RPS6KA2: variants seen among roughly 807,000 people sequenced by gnomAD.
The protein encoded by RPS6KA2 is ribosomal protein S6 kinase alpha-2.
A neutral mutation model predicts 91.8 loss-of-function variants in RPS6KA2; 42 were observed. The ratio of observed to expected loss-of-function variants is 0.46; its 90% CI spans 0.36 to 0.59. The LOEUF is 0.59. Ranked by LOEUF, RPS6KA2 falls within the 20% of genes least tolerant of loss-of-function variation. The pLI is 0.00. For synonymous variants in RPS6KA2, 414 were observed against 393.6 expected, an observed-to-expected ratio of 1.05 and a Z score of -0.61; for missense variants, 798 against 978.5, an observed-to-expected ratio of 0.82 and a Z score of 2.46.
chr6:166,842,629 C>T (rs921592120), intron 2 of RPS6KA2, among the ~76,000 whole-genome samples: 2 of 152,216 alleles, frequency 1.3e-5, no homozygotes, highest in African/African-American at 4.8e-5. Flanking sequence ...GTATCCATAA[C>T]GGACCCGAAG....
chr6:166,422,737 A>G (rs73269236), intron 17 of RPS6KA2, among the ~76,000 whole-genome samples: 17,559 of 152,170 alleles, frequency 0.12, 3,197 homozygotes, highest in African/African-American at 0.39. Flanking sequence ...TGAACAACGT[A>G]AGCTTTCAGT....
intron 2 of RPS6KA2, among the ~76,000 whole-genome samples, chr6:166,637,200 C>G (rs1787273490): frequency 6.6e-6 from 1 of 152,170 alleles, no homozygotes; most frequent in South Asian, 2.1e-4. Flanking sequence ...GCGAGGAGGA[C>G]AGAGAGGCTG....
rs181215348 is a variant in RPS6KA2 at position 166,758,301 on chromosome 6, C to T, written c.123+99899G>A. Among the ~76,000 whole-genome samples, 14 of 152,368 alleles carry T rather than the reference C, an allele frequency of 9.2e-5. No individual in the cohort carries two copies. In the East Asian group the frequency reaches 2.5e-3, roughly 27 times the overall value. ...TGCCTCCGCCCCAGAGACACAGGCA[C>T]GTGCACATGCATGCACGTTCTCTCT... On this transcript the variant is annotated intron_variant, in intron 2 of 21. Coordinates refer to the RPS6KA2 transcript ENST00000503859.
chr6:166,765,170 G>A (rs1273866870), intron 2 of RPS6KA2, among the ~76,000 whole-genome samples: 5 of 133,182 alleles, frequency 3.8e-5, no homozygotes, highest in Admixed American at 7.8e-5. Flanking sequence ...GAGCCTCCAC[G>A]TGGCCAGCCA....
intron 2 of RPS6KA2, among the ~76,000 whole-genome samples, chr6:166,537,412 G>A (rs530791969): frequency 1.2e-4 from 18 of 152,302 alleles, no homozygotes; most frequent in Middle Eastern, 3.4e-3. Context: ...TATTAACATC[G>A]TGAGAAACTG....
chr6:166,817,422 CT>C (rs1779796614), intron 2 of RPS6KA2, among the ~76,000 whole-genome samples: 1 of 150,954 alleles, frequency 6.6e-6, no homozygotes, highest in Non-Finnish European at 1.5e-5. Flanking sequence ...CACACACACC[CT>C]AAACCATAAA....
At chr6:166,429,095 A>T (rs1270271799) in intron 16 of RPS6KA2, among the ~76,000 whole-genome samples, 10 of 152,270 alleles carry the variant, frequency 6.6e-5, no homozygotes, top group Non-Finnish European at 7.4e-5. Context: ...ACCATGGAAT[A>T]CTATGCAGCC....
intron 19 of RPS6KA2, among the ~76,000 whole-genome samples, chr6:166,416,840 G>A (rs1232609006): frequency 6.6e-6 from 1 of 150,946 alleles, no homozygotes. Flanking sequence ...CGCCACCTCT[G>A]CCACCACTTC....
rs895822971 is a variant in RPS6KA2, at chr6:166,733,091, C to G, written c.123+125109G>C. Reference sequence around the variant, plus strand: ...AGCCTAAGGGTGAGATGCTCTGCCCCCTGTGGATCGAGCCTACCCTGTACT... The same window carrying G: ...AGCCTAAGGGTGAGATGCTCTGCCCGCTGTGGATCGAGCCTACCCTGTACT... On this transcript the variant is annotated intron_variant, in intron 2 of 21. Coordinates refer to the RPS6KA2 transcript ENST00000503859. The surrounding 1 kb of genome is among the most constrained non-coding windows in gnomAD (Gnocchi z 4.1). Among the ~76,000 whole-genome samples the G allele has an allele frequency of 2.6e-5, 4 of 152,246 alleles. No individual in the cohort carries two copies. The highest frequency in any genetic ancestry group is 9.6e-5 in the African/African-American group (4 of 41,530).
chr6:166,502,563 C>T (rs986378212), intron 6 of RPS6KA2, among the ~76,000 whole-genome samples: 9 of 152,324 alleles, frequency 5.9e-5, no homozygotes, highest in African/African-American at 1.2e-4. Flanking sequence ...AACACACAGG[C>T]GTCAACAGCC....
In RPS6KA2 at chr6:166,419,634, G is replaced by C. The variant is rs1053658049; in HGVS notation, c.1820+248C>G. 1.3e-5 allele frequency among the ~76,000 whole-genome samples: 2 copies of C among 152,234 alleles called. No individual in the cohort carries two copies. The highest frequency in any genetic ancestry group is 3.2e-3 in the Middle Eastern group (1 of 316). On this transcript the variant is annotated intron_variant, in intron 18 of 20. Transcript: ENST00000265678. This position sits in a 1 kb window ranked among gnomAD's most constrained non-coding sequence, Gnocchi z 5.6. ...TGGGGACTATGCTGGCAAAAGACTT[G>C]ATGTTTTGTTCATGAGCTGAGTTTA...
intron 10 of RPS6KA2, among the ~76,000 whole-genome samples, chr6:166,481,441 A>C (rs1036494964): frequency 2.6e-5 from 4 of 152,274 alleles, no homozygotes; most frequent in Non-Finnish European, 5.9e-5. Flanking sequence ...TAGATCTTAA[A>C]GTATTTGCTG....
chr6:166,756,518 A>G (rs781475997), intron 2 of RPS6KA2, among the ~76,000 whole-genome samples: 1 of 152,220 alleles, frequency 6.6e-6, no homozygotes, highest in Non-Finnish European at 1.5e-5. Flanking sequence ...CTGATTACAT[A>G]TGATTATAAA....
At position 166,536,019 on chromosome 6, in the gene RPS6KA2, G is replaced by A. The variant is rs80292641; in HGVS notation, c.216+2649C>T. On this transcript the variant is annotated intron_variant, in intron 2 of 20. Transcript: ENST00000265678. ...AGGCAGGCAATGGGACAAGTCACTC[G>A]GATGGCTCCTGGTGCAGTCTGAGGT... 8.7e-3 allele frequency among the ~76,000 whole-genome samples: 1,326 copies of A among 152,358 alleles called. 6 individuals carry two copies. Among genetic ancestry groups the A allele is most frequent in the Non-Finnish European group, 0.015 (1,013 of 68,030 alleles).
chr6:166,622,829 A>C (rs1282134437), intron 1 of RPS6KA2, among the ~76,000 whole-genome samples: 1 of 152,228 alleles, frequency 6.6e-6, no homozygotes, highest in East Asian at 1.9e-4. Context: ...AGCTGCCAAT[A>C]ATTTCACAGC....
chr6:166,718,882 C>T (rs922108616), intron 2 of RPS6KA2, among the ~76,000 whole-genome samples: 1 of 152,192 alleles, frequency 6.6e-6, no homozygotes, highest in Admixed American at 6.5e-5. Flanking sequence ...GTGGAACAGG[C>T]TAATTAGGTT....
intron 2 of RPS6KA2, among the ~76,000 whole-genome samples, chr6:166,657,843 T>G (rs565664851): frequency 6.6e-6 from 1 of 152,330 alleles, no homozygotes; most frequent in South Asian, 2.1e-4. Flanking sequence ...AAACCTGAAC[T>G]GCAGATGTGT....
chr6:166,840,697 G>A (rs994147959), intron 2 of RPS6KA2, among the ~76,000 whole-genome samples: 1 of 152,208 alleles, frequency 6.6e-6, no homozygotes, highest in African/African-American at 2.4e-5. Context: ...GCTGGGCCGG[G>A]CGTGGTGGCT....
chr6:166,630,499 A>G (rs1787043133), upstream of RPS6KA2, among the ~76,000 whole-genome samples: 1 of 152,256 alleles, frequency 6.6e-6, no homozygotes, highest in Admixed American at 6.5e-5. Context: ...TGGGAGGTGA[A>G]TTCACTAGGT....
Sources: gnomAD v4.1 joint callset for allele counts (sites outside exome capture counted in the v4.1 genomes callset) on GRCh38, gnomAD v4.1.1 for gene constraint, Gnocchi (gnomAD v3.1) non-coding constraint, MANE v1.5 for transcripts, NCBI Gene and HGNC (gene_info 2026-07-23, HGNC 2026-07-21) for gene names.